Variants in ZFAND3 observed in about 807,000 individuals in gnomAD.
ZFAND3 encodes AN1-type zinc finger protein 3.
In ZFAND3, 10 loss-of-function variants were observed where a neutral mutation model predicts 29.6. That is an observed-to-expected ratio of 0.34 (90% CI 0.21 to 0.57). The LOEUF (loss-of-function observed/expected upper bound fraction) is 0.57, where lower values mean the gene tolerates loss of function less well. Among genes scored for constraint, ZFAND3 ranks in the 20% least tolerant of loss-of-function variants. The pLI is 0.86. For synonymous variants in ZFAND3, 128 were observed against 112.6 expected (o/e 1.14, Z -0.87); for missense variants, 230 against 304.5 (o/e 0.76, Z 1.82).
chr6:38,045,306 C>T (rs1424021523), intron 2 of ZFAND3, among the ~76,000 whole-genome samples: 3 of 151,886 alleles, frequency 2.0e-5, no homozygotes, highest in Non-Finnish European at 2.9e-5. Context: ...CCAGGCTGGT[C>T]TCAAACTCCT....
intron 2 of ZFAND3, among the ~76,000 whole-genome samples, chr6:38,045,204 C>T (rs1484056161): frequency 6.6e-6 from 1 of 151,844 alleles, no homozygotes; most frequent in Non-Finnish European, 1.5e-5. Flanking sequence ...CCTCCTGCTT[C>T]AGCCTCCCAA....
intron 2 of ZFAND3, among the ~76,000 whole-genome samples, chr6:37,931,407 T>C (rs1181243782): frequency 6.6e-6 from 1 of 152,076 alleles, no homozygotes; most frequent in Non-Finnish European, 1.5e-5. Flanking sequence ...TAGCTGGATG[T>C]GGTGGTGTGC....
intron 1 of ZFAND3, among the ~76,000 whole-genome samples, chr6:37,823,426 G>A (rs565769050): frequency 1.1e-4 from 17 of 152,310 alleles, no homozygotes; most frequent in Admixed American, 7.8e-4. Context: ...GCAGACTAAC[G>A]GCAGTTCCTT....
chr6:37,860,122 C>T (rs1159470760), intron 1 of ZFAND3, among the ~76,000 whole-genome samples: 1 of 149,226 alleles, frequency 6.7e-6, no homozygotes, highest in Non-Finnish European at 1.5e-5. Context: ...CCACCCGCCT[C>T]GGCCTCCCAA....
At chr6:38,133,122 C>T (rs1057484246) in intron 5 of ZFAND3, among the ~76,000 whole-genome samples, 2 of 152,230 alleles carry the variant, frequency 1.3e-5, no homozygotes, top group Non-Finnish European at 2.9e-5. Flanking sequence ...ATCTGGTGAT[C>T]TCCCCTGAGA....
intron 4 of ZFAND3, among the ~76,000 whole-genome samples, chr6:38,085,552 A>G (rs1475935883): frequency 1.3e-5 from 2 of 152,160 alleles, no homozygotes; most frequent in African/African-American, 4.8e-5. Context: ...ATATTTTGCA[A>G]ATTCACTTTA....
chr6:38,121,310 G>C (rs896794810), intron 5 of ZFAND3, among the ~76,000 whole-genome samples: 4 of 152,200 alleles, frequency 2.6e-5, no homozygotes, highest in African/African-American at 9.6e-5. Flanking sequence ...CCAGGAGTTC[G>C]AGGCTACAGT....
intron 1 of ZFAND3, among the ~76,000 whole-genome samples, chr6:37,835,485 A>G (rs1251938733): frequency 1.4e-5 from 2 of 144,284 alleles, no homozygotes; most frequent in African/African-American, 5.0e-5. Context: ...TTTTTTTTTA[A>G]ATGTATTCTG....
chr6:37,854,764 G>GCC lies in ZFAND3; in HGVS notation c.71+34759_71+34760dup, dbSNP rs5875599. Among the ~76,000 whole-genome samples the GCC allele has an allele frequency of 2.2e-3, 267 of 122,228 alleles. 3 individuals carry two copies. Among genetic ancestry groups the GCC allele is most frequent in the African/African-American group, 3.1e-3 (95 of 31,092 alleles). 80.2% of individuals were successfully genotyped at this position (122,228 alleles called of 152,430 possible). ...TTAATGAGACTACATAGGCTAAAAT[G>GCC]CCCCCCCCCCCCTTTTTTTTTAAGA... On this transcript the variant is annotated intron_variant, in intron 1 of 5. Transcript: ENST00000287218.
chr6:38,136,050 C>A (rs150324872), intron 5 of ZFAND3, among the ~76,000 whole-genome samples: 1 of 152,174 alleles, frequency 6.6e-6, no homozygotes, highest in African/African-American at 2.4e-5. Context: ...GAAATGGAGG[C>A]GGGGCAAAAA....
intron 1 of ZFAND3, among the ~76,000 whole-genome samples, chr6:37,821,796 G>A (rs950031012): frequency 1.3e-5 from 2 of 152,172 alleles, no homozygotes; most frequent in Non-Finnish European, 2.9e-5. Flanking sequence ...TTATATCAAG[G>A]CTTAGAAACT....
At chr6:37,901,490 T>TA (rs1299822187) in intron 1 of ZFAND3, among the ~76,000 whole-genome samples, 1 of 152,112 alleles carries the variant, frequency 6.6e-6, no homozygotes, top group Non-Finnish European at 1.5e-5. Context: ...CACACACCTG[T>TA]AGTCCTAGTT....
Position 37,931,161 on chromosome 6 carries a change from A to G in ZFAND3, c.112+1162A>G, listed in dbSNP as rs78597213. Among the ~76,000 whole-genome samples, 1,169 of 152,314 alleles carry G rather than the reference A, an allele frequency of 7.7e-3. 5 individuals are homozygous for G. The highest frequency in any genetic ancestry group is 0.013 in the Non-Finnish European group (867 of 68,026). On this transcript the variant is annotated intron_variant, in intron 2 of 5. Transcript: ENST00000287218. ...AGGAATGGCTTTCAGGTCCTTGAGA[A>G]AGACACTCCTGAGTTGTAGGAGTAC...
At chr6:37,919,799 T>C (rs1415788734) in intron 1 of ZFAND3, among the ~76,000 whole-genome samples, 4 of 152,236 alleles carry the variant, frequency 2.6e-5, no homozygotes, top group Admixed American at 6.5e-5. Context: ...CTCCCCTTTT[T>C]ATAAAACTAG....
chr6:37,958,740 C>G (rs890562698), intron 2 of ZFAND3, among the ~76,000 whole-genome samples: 2 of 152,040 alleles, frequency 1.3e-5, no homozygotes, highest in African/African-American at 2.4e-5. Flanking sequence ...GACCGCCCCC[C>G]CCTTCCCCAC....
At chr6:38,037,608 G>A (rs1232288414) in intron 2 of ZFAND3, among the ~76,000 whole-genome samples, 1 of 152,184 alleles carries the variant, frequency 6.6e-6, no homozygotes, top group African/African-American at 2.4e-5. Context: ...TGTAGGTAAA[G>A]CAAACAACTT....
chr6:37,821,012 CT>C (rs1763657248), intron 1 of ZFAND3, among the ~76,000 whole-genome samples: 1 of 152,258 alleles, frequency 6.6e-6, no homozygotes, highest in African/African-American at 2.4e-5. Context: ...TCCCTTTTCT[CT>C]TTTATCGTTT....
At chr6:38,046,473 T>C (rs1369243941) in intron 2 of ZFAND3, among the ~76,000 whole-genome samples, 1 of 152,250 alleles carries the variant, frequency 6.6e-6, no homozygotes, top group African/African-American at 2.4e-5. Context: ...CTAAAATGTG[T>C]TAGTTATACC....
chr6:38,146,722 C>A (rs941317779), intron 5 of ZFAND3, among the ~76,000 whole-genome samples: 7 of 152,276 alleles, frequency 4.6e-5, no homozygotes, highest in Admixed American at 4.6e-4. Context: ...TGCCATGACT[C>A]TTCCTCTCTC....
Sources: gnomAD v4.1 joint callset for allele counts (sites outside exome capture counted in the v4.1 genomes callset) on GRCh38, gnomAD v4.1.1 for gene constraint, MANE v1.5 for transcripts, NCBI Gene and HGNC (gene_info 2026-07-23, HGNC 2026-07-21) for gene names.